The following VEPH1 variants were observed in gnomAD, a reference collection of about 807,000 sequenced individuals.
The protein encoded by VEPH1 is ventricular zone-expressed PH domain-containing protein homolog 1.
In VEPH1, 80 loss-of-function variants were observed where a neutral mutation model predicts 85.2. The ratio of observed to expected loss-of-function variants is 0.94; its 90% confidence interval spans 0.78 to 1.13. The LOEUF is 1.13. Among genes scored for constraint, VEPH1 ranks in the 50% most tolerant of loss-of-function variants. VEPH1 has a pLI of 0.00. For missense variants in VEPH1, 955 were observed against 980.5 expected, an observed-to-expected ratio of 0.97 and a Z score of 0.35; for synonymous variants, 297 against 348.0, an observed-to-expected ratio of 0.85 and a Z score of 1.63.
At position 157,445,717 on chromosome 3, in the gene VEPH1, A is replaced by G. The variant is rs568791695; in HGVS notation, c.529+14464T>C. Among the ~76,000 whole-genome samples the G allele has an allele frequency of 2.0e-5, 3 of 152,310 alleles. No individual in the cohort carries two copies. The East Asian group carries it at 5.8e-4, about 29-fold the overall frequency. Reference sequence around the variant, plus strand: ...GGCAGGAGAATCTCTTGAACCCGGGAGGCGGAGATTGCAGTGAGCCAAGAT... The same window carrying G: ...GGCAGGAGAATCTCTTGAACCCGGGGGGCGGAGATTGCAGTGAGCCAAGAT... On this transcript the variant is annotated intron_variant, in intron 4 of 13. Coordinates refer to ENST00000362010, the MANE Select transcript of VEPH1 (RefSeq NM_001167912.2).
At chr3:157,424,290 G>A (rs1454982676) in intron 5 of VEPH1, among the ~76,000 whole-genome samples, 2 of 152,186 alleles carry the variant, frequency 1.3e-5, no homozygotes, top group East Asian at 3.8e-4. Flanking sequence ...CTAGCCATGT[G>A]GAACTGTAAG....
At chr3:157,310,350 T>C (rs979285948) in intron 11 of VEPH1, among the ~76,000 whole-genome samples, 1 of 152,170 alleles carries the variant, frequency 6.6e-6, no homozygotes, top group Non-Finnish European at 1.5e-5. Context: ...TGGCCACTGT[T>C]CTGAGAGCTC....
intron 4 of VEPH1, among the ~76,000 whole-genome samples, chr3:157,444,095 A>T (rs530042902): frequency 6.6e-6 from 1 of 152,216 alleles, no homozygotes; most frequent in South Asian, 2.1e-4. Flanking sequence ...CACACTGTGG[A>T]TGGGGAGGTA....
At chr3:157,265,231 G>A (rs931307989) in intron 13 of VEPH1, among the ~76,000 whole-genome samples, 1 of 152,078 alleles carries the variant, frequency 6.6e-6, no homozygotes, top group Non-Finnish European at 1.5e-5. Flanking sequence ...ATTTGTGTAC[G>A]TGGTCCACAA....
chr3:157,347,747 C>A (rs139825106), intron 9 of VEPH1, among the ~76,000 whole-genome samples: 54 of 152,332 alleles, frequency 3.5e-4, no homozygotes, highest in Non-Finnish European at 5.9e-4. Flanking sequence ...AGAAGATCCG[C>A]ATCATCCCCT....
At chr3:157,432,092 C>T (rs1001307910) in intron 4 of VEPH1, among the ~76,000 whole-genome samples, 3 of 152,178 alleles carry the variant, frequency 2.0e-5, no homozygotes, top group East Asian at 3.9e-4. Context: ...TTGTGATCTG[C>T]CCGCCTCAGC....
intron 4 of VEPH1, among the ~76,000 whole-genome samples, chr3:157,433,671 A>T (rs1323347384): frequency 6.6e-6 from 1 of 152,196 alleles, no homozygotes; most frequent in Non-Finnish European, 1.5e-5. Context: ...TCTTAATGAG[A>T]GAGATTGCAG....
intron 6 of VEPH1, among the ~76,000 whole-genome samples, chr3:157,384,204 T>C (rs546915613): frequency 3.3e-5 from 5 of 152,282 alleles, no homozygotes; most frequent in African/African-American, 1.2e-4. Context: ...TGGTAAATAG[T>C]GTACTTAGGA....
At chr3:157,292,393 A>G (rs1717589709) in intron 11 of VEPH1, among the ~76,000 whole-genome samples, 1 of 152,106 alleles carries the variant, frequency 6.6e-6, no homozygotes, top group Admixed American at 6.6e-5. Flanking sequence ...CTTTTCCACA[A>G]TAGTTTGGTT....
At chr3:157,293,541 A>G (rs1717782296) in intron 11 of VEPH1, among the ~76,000 whole-genome samples, 1 of 152,220 alleles carries the variant, frequency 6.6e-6, no homozygotes, top group African/African-American at 2.4e-5. Context: ...CATTTCAGAG[A>G]GAAGCTCTGA....
intron 6 of VEPH1, chr3:157,410,006 T>C: frequency 1.1e-6 from 1 of 904,132 alleles, no homozygotes; most frequent in Non-Finnish European, 1.3e-6. Flanking sequence ...TCAGAGATTG[T>C]ACATTACAAA....
At chr3:157,341,069 G>A (rs1723498121) in intron 9 of VEPH1, among the ~76,000 whole-genome samples, 1 of 152,018 alleles carries the variant, frequency 6.6e-6, no homozygotes, top group Non-Finnish European at 1.5e-5. Flanking sequence ...CCACAAAGAT[G>A]GGGAAAAAAA....
intron 5 of VEPH1, among the ~76,000 whole-genome samples, chr3:157,415,464 T>C (rs968944701): frequency 1.3e-5 from 2 of 152,156 alleles, no homozygotes; most frequent in Non-Finnish European, 2.9e-5. Flanking sequence ...AAGGCCTCTC[T>C]CAGCGGGACA....
At chr3:157,360,997 T>C (rs531743622) in intron 9 of VEPH1, among the ~76,000 whole-genome samples, 2 of 152,338 alleles carry the variant, frequency 1.3e-5, no homozygotes, top group South Asian at 4.1e-4. Context: ...AGATCAACTT[T>C]GAAAAATCCC....
At chr3:157,474,821 T>TA (rs376861612) in intron 2 of VEPH1, among the ~76,000 whole-genome samples, 22,274 of 147,004 alleles carry the variant, frequency 0.15, 2,045 homozygotes, top group African/African-American at 0.26. Flanking sequence ...GGCATGGTGT[T>TA]AAAAAAAAAA....
intron 12 of VEPH1, among the ~76,000 whole-genome samples, chr3:157,266,819 A>G (rs1022385755): frequency 6.6e-6 from 1 of 152,230 alleles, no homozygotes. Flanking sequence ...GGGACAATGG[A>G]AAGCTCCATC....
In VEPH1 at chr3:157,342,537, G is replaced by A. The variant is rs561681171; in HGVS notation, c.1735+20827C>T. On this transcript the variant is annotated intron_variant, in intron 9 of 13. Coordinates refer to ENST00000362010, the MANE Select transcript of VEPH1 (RefSeq NM_001167912.2). ...CTCAGGTTCATAAAGCAAGTCCTGAGTGACCTACAAATAGACTTAGACTCC... is the reference window on the plus strand; with the variant it reads ...CTCAGGTTCATAAAGCAAGTCCTGAATGACCTACAAATAGACTTAGACTCC... 3.9e-4 allele frequency among the ~76,000 whole-genome samples: 60 copies of A among 152,296 alleles called. No homozygotes were observed. The Middle Eastern group carries it at 0.01, about 26-fold the overall frequency.
At chr3:157,371,005 C>T (rs1357276660) in intron 7 of VEPH1, among the ~76,000 whole-genome samples, 1 of 152,160 alleles carries the variant, frequency 6.6e-6, no homozygotes, top group African/African-American at 2.4e-5. Context: ...CAGTGTTGCT[C>T]ACATAGAATG....
chr3:157,394,324 G>A (rs188493783), intron 6 of VEPH1, among the ~76,000 whole-genome samples: 1 of 152,340 alleles, frequency 6.6e-6, no homozygotes, highest in East Asian at 1.9e-4. Context: ...CAATAATATA[G>A]TTGTTTATAA....
Sources: gnomAD v4.1 joint callset for allele counts (sites outside exome capture counted in the v4.1 genomes callset) on GRCh38, gnomAD v4.1.1 for gene constraint, MANE v1.5 for transcripts, NCBI Gene and HGNC (gene_info 2026-07-23, HGNC 2026-07-21) for gene names.